The following MTBP variants were observed in gnomAD, a reference collection of about 807,000 sequenced individuals.
The protein encoded by MTBP is MDM2 binding protein.
Under a neutral mutation model 117.0 loss-of-function variants are expected in MTBP, and 101 were observed. That is an observed-to-expected ratio of 0.86 (90% CI 0.73 to 1.02). MTBP has a LOEUF of 1.02. Among genes scored for constraint, MTBP ranks in the 50% least tolerant of loss-of-function variants. The probability of loss-of-function intolerance (pLI) is 0.00; values close to 1 mark genes in which losing one functional copy is unlikely to be tolerated. For synonymous variants in MTBP, 350 were observed against 351.5 expected, an observed-to-expected ratio of 1.00 and a Z score of 0.05; for missense variants, 970 against 1,030.9, an observed-to-expected ratio of 0.94 and a Z score of 0.81.
intron 11 of MTBP, chr8:120,471,927 C>T (rs575424681): frequency 2.6e-5 from 4 of 152,268 alleles, no homozygotes; most frequent in African/African-American, 7.2e-5. Flanking sequence ...TAAGTCCAAA[C>T]CCTAGTATTT....
chr8:120,485,251 C>T (rs1350616827), intron 11 of MTBP, among the ~76,000 whole-genome samples: 2 of 152,114 alleles, frequency 1.3e-5, no homozygotes, highest in South Asian at 2.1e-4. Context: ...ACTACTTCAG[C>T]TATATTTGAT....
chr8:120,483,655 A>G (rs1054366082), intron 11 of MTBP, among the ~76,000 whole-genome samples: 3 of 152,160 alleles, frequency 2.0e-5, no homozygotes, highest in African/African-American at 7.2e-5. Context: ...TAAAGACATA[A>G]GACTTTATTG....
chr8:120,505,357 G>A (rs1014645049), intron 15 of MTBP, among the ~76,000 whole-genome samples: 2 of 152,078 alleles, frequency 1.3e-5, no homozygotes, highest in Admixed American at 6.5e-5. Context: ...TTTATTCTGG[G>A]CCATCACCAC....
intron 8 of MTBP, among the ~76,000 whole-genome samples, chr8:120,459,932 A>G (rs1016427380): frequency 2.0e-5 from 3 of 152,166 alleles, no homozygotes; most frequent in Non-Finnish European, 4.4e-5. Context: ...ATTATAAAAT[A>G]TAATAACTAG....
At chr8:120,464,435 C>T (rs1813644700) in intron 10 of MTBP, among the ~76,000 whole-genome samples, 2 of 150,964 alleles carry the variant, frequency 1.3e-5, no homozygotes, top group Non-Finnish European at 1.5e-5. Context: ...ATTTTTAATG[C>T]ACAAAATCTT....
intron 2 of MTBP, among the ~76,000 whole-genome samples, chr8:120,449,513 G>A (rs1813294030): frequency 6.6e-6 from 1 of 152,126 alleles, no homozygotes; most frequent in African/African-American, 2.4e-5. Context: ...TTAGGTTGGT[G>A]CAAAAATAAT....
intron 11 of MTBP, chr8:120,472,150 A>G (rs1046726740): frequency 6.6e-6 from 1 of 152,204 alleles, no homozygotes; most frequent in Admixed American, 6.6e-5. Flanking sequence ...GAAATACTCC[A>G]CAGCGCCCTT....
chr8:120,450,867 A>G, intron 2 of MTBP, 136 bp from the exon 3 acceptor site: 1 of 535,268 alleles, frequency 1.9e-6, no homozygotes, highest in Non-Finnish European at 3.1e-6. Context: ...AGGGATTTTT[A>G]AAAGATCCAC....
chr8:120,482,912 G>C (rs1214139486), intron 11 of MTBP, among the ~76,000 whole-genome samples: 1 of 151,776 alleles, frequency 6.6e-6, no homozygotes, highest in East Asian at 1.9e-4. Context: ...TGTTAGCCAG[G>C]ATGGTCTTGA....
chr8:120,475,843 G>A (rs2130556857), intron 11 of MTBP, among the ~76,000 whole-genome samples: 1 of 152,066 alleles, frequency 6.6e-6, no homozygotes, highest in Non-Finnish European at 1.5e-5. Flanking sequence ...GATATTTTAT[G>A]AAATTGTCAA....
chr8:120,515,702 A>G (rs1161533739), intron 17 of MTBP, among the ~76,000 whole-genome samples: 1 of 152,080 alleles, frequency 6.6e-6, no homozygotes, highest in African/African-American at 2.4e-5. Context: ...GTGAAAGAGA[A>G]ACACAAGTGA....
chr8:120,451,079 A>G lies in MTBP; in HGVS notation c.273+3A>G. 1 of 1,607,114 alleles carries G rather than the reference A, an allele frequency of 6.2e-7. No homozygotes were observed. Among genetic ancestry groups the G allele is most frequent in the South Asian group, 1.1e-5 (1 of 89,764 alleles). On this transcript the variant is annotated splice_donor_region_variant and intron_variant, in intron 3 of 21. Coordinates refer to ENST00000305949, the MANE Select transcript of MTBP (RefSeq NM_022045.5). ...AGGCAATATATGGATTTTATCAGGT[A>G]ATATAAATTTAAAGATAGCTACTAA...
At chr8:120,497,367 G>A (rs1488702587) in intron 13 of MTBP, 26 bp from the exon 14 acceptor site, 2 of 1,568,178 alleles carry the variant, frequency 1.3e-6, no homozygotes, top group East Asian at 2.3e-5. Context: ...TACAAAATAA[G>A]TCAATTGTAT....
At position 120,518,077 on chromosome 8, in the gene MTBP, T is replaced by A; in HGVS notation, c.2473T>A (p.Ser825Thr). 6.2e-7 allele frequency: 1 copy of A among 1,612,460 alleles called. No individual in the cohort carries two copies. The highest frequency in any genetic ancestry group is 8.5e-7 in the Non-Finnish European group (1 of 1,178,924). Reference sequence around the variant, plus strand: ...AAAAACATCAAGGCAAATTAAGGAATCAAGATCACAGAAACACACACGGGT... The same window carrying A: ...AAAAACATCAAGGCAAATTAAGGAAACAAGATCACAGAAACACACACGGGT... ...ESKTSRQIKESRSQKHTRILK... is the reference protein window; with the variant it reads ...ESKTSRQIKETRSQKHTRILK... Residue 825 changes from serine (S) to threonine (T), a missense_variant, in exon 19 of 22, where the codon TCA (serine) becomes ACA (threonine). By Grantham distance (58) the Ser-to-Thr change is moderately conservative. Transcript: ENST00000305949.
chr8:120,448,520 A>G (rs1813272917), intron 2 of MTBP, among the ~76,000 whole-genome samples: 1 of 152,210 alleles, frequency 6.6e-6, no homozygotes, highest in African/African-American at 2.4e-5. Flanking sequence ...CAACACAATT[A>G]CATCCTTTGC....
chr8:120,445,511 A>G lies in MTBP; in HGVS notation c.41A>G (p.Lys14Arg), dbSNP rs1813203517. The G allele has an allele frequency of 6.2e-7, 1 of 1,613,336 alleles. No homozygotes were observed. Among genetic ancestry groups the G allele is most frequent in the Non-Finnish European group, 8.5e-7 (1 of 1,179,694 alleles). ...CTGCTGGTGATCTGGGGGGAAGGAAAATTCCCGTCGGCGGCCAGTAGGGAG... is the reference window on the plus strand; with the variant it reads ...CTGCTGGTGATCTGGGGGGAAGGAAGATTCCCGTCGGCGGCCAGTAGGGAG... Reference protein sequence around the residue: ...YLLLVIWGEGKFPSAASREAE... With the variant: ...YLLLVIWGEGRFPSAASREAE... Residue 14 changes from lysine to arginine, a missense_variant, in exon 1 of 22, where the codon AAA becomes AGA. Lys to Arg is a conservative substitution (Grantham distance 26). Coordinates refer to ENST00000305949, the MANE Select transcript of MTBP (RefSeq NM_022045.5).
rs1427321394 is a variant in MTBP at position 120,453,864 on chromosome 8, C to G, written c.443C>G (p.Ala148Gly). 6.3e-7 allele frequency: 1 copy of G among 1,581,922 alleles called. No homozygotes were observed. Among genetic ancestry groups the G allele is most frequent in the South Asian group, 1.2e-5 (1 of 85,978 alleles). The change falls in exon 5 of 22, where the codon GCA becomes GGA. Residue 148 changes from alanine to glycine, a missense_variant. Physicochemically the swap from Ala to Gly is moderately conservative, Grantham distance 60 (BLOSUM62 0). Transcript: ENST00000305949. The part of the protein sequence containing the change: ...LSLADLYEEA[A>G]ENLHQLSDKL... ...TATTTTAGTCTCTATGAAGAAGCTGCAGAAAATTTGCATCAGCTGTCAGAC... is the reference window on the plus strand; with the variant it reads ...TATTTTAGTCTCTATGAAGAAGCTGGAGAAAATTTGCATCAGCTGTCAGAC...
intron 11 of MTBP, among the ~76,000 whole-genome samples, chr8:120,480,244 A>C (rs1223147003): frequency 6.6e-6 from 1 of 151,076 alleles, no homozygotes. Flanking sequence ...ACAAAAAAAA[A>C]AAAACAAAAA....
intron 11 of MTBP, among the ~76,000 whole-genome samples, chr8:120,476,255 T>G (rs1813936318): frequency 6.6e-6 from 1 of 152,070 alleles, no homozygotes; most frequent in Non-Finnish European, 1.5e-5. Flanking sequence ...GGAACATATC[T>G]CAAAATAATA....
Sources: gnomAD v4.1 joint callset for allele counts (sites outside exome capture counted in the v4.1 genomes callset) on GRCh38, gnomAD v4.1.1 for gene constraint, MANE v1.5 for transcripts, NCBI Gene and HGNC (gene_info 2026-07-23, HGNC 2026-07-21) for gene names.